NLRP12: variants seen among roughly 807,000 people sequenced by gnomAD.
NLRP12 encodes the protein NACHT, LRR and PYD domains-containing protein 12.
Under a neutral mutation model 91.2 loss-of-function variants are expected in NLRP12, and 108 were observed. That is an observed-to-expected ratio of 1.18 (90% CI 1.01 to 1.39). The LOEUF (loss-of-function observed/expected upper bound fraction) is 1.39. NLRP12 is among the 40% of genes most tolerant of loss of function. The probability of loss-of-function intolerance (pLI) is 0.00; values close to 1 mark genes in which losing one functional copy is unlikely to be tolerated. For synonymous variants in NLRP12, 613 were observed against 566.7 expected (o/e 1.08, Z -1.16); for missense variants, 1,530 against 1,352.7 (o/e 1.13, Z -2.06).
intron 7 of NLRP12, among the ~76,000 whole-genome samples, chr19:53,799,570 G>A (rs527686471): frequency 7.9e-4 from 120 of 151,470 alleles, no homozygotes; most frequent in African/African-American, 2.6e-3. Flanking sequence ...TGCAACCTCC[G>A]GCTCCCGGGT....
intron 4 of NLRP12, among the ~76,000 whole-genome samples, chr19:53,806,887 AAG>A (rs1449349760): frequency 6.6e-6 from 1 of 151,222 alleles, no homozygotes; most frequent in Non-Finnish European, 1.5e-5. Flanking sequence ...AAGTAAAAAA[AAG>A]AAAAAAATTT....
At chr19:53,804,391 GGGTTTTTTTGT>G (rs2091922708) in intron 5 of NLRP12, among the ~76,000 whole-genome samples, 1 of 123,482 alleles carries the variant, frequency 8.1e-6, no homozygotes, top group Admixed American at 9.7e-5. Context: ...TGTTTTTTTT[GGGTTTTTTTGT>G]TTTTTTTTTT....
Position 53,814,987 on chromosome 19 carries a change from A to G in NLRP12, c.291T>C (p.Asp97=), listed in dbSNP as rs201046901. The change falls in exon 2 of 10, where the codon GAT becomes GAC. Residue 97 remains aspartate (D), a splice_region_variant and synonymous_variant. Coordinates refer to ENST00000324134, the MANE Select transcript of NLRP12 (RefSeq NM_144687.4). Reference sequence around the variant, plus strand: ...GTGAGGACGGGCCACCAGGTGGGGTATCTGGAAGAGAAATTGTGGAAGATG... The same window carrying G: ...GTGAGGACGGGCCACCAGGTGGGGTGTCTGGAAGAGAAATTGTGGAAGATG... ...ERGQREDLVR[D]TPPGGPSSLG... 474 of 1,613,066 alleles carry G rather than the reference A, an allele frequency of 2.9e-4. No individual in the cohort carries two copies. The highest frequency in any genetic ancestry group is 3.7e-4 in the Non-Finnish European group (438 of 1,179,072).
At chr19:53,815,677 T>C (rs1471409523) in intron 1 of NLRP12, among the ~76,000 whole-genome samples, 1 of 151,848 alleles carries the variant, frequency 6.6e-6, no homozygotes, top group African/African-American at 2.4e-5. Context: ...GGCACAATCT[T>C]GGCTCACTGC....
chr19:53,808,021 A>G (rs570759259), intron 3 of NLRP12: 1 of 359,118 alleles, frequency 2.8e-6, no homozygotes, highest in East Asian at 7.3e-5. Context: ...AAGTGCTGGG[A>G]TTACAGGCGT....
chr19:53,811,404 C>T (rs1414202497), intron 2 of NLRP12, 116 bp from the exon 3 acceptor site: 1 of 1,196,216 alleles, frequency 8.4e-7, no homozygotes, highest in African/African-American at 1.5e-5. Context: ...GTTCCAGCTA[C>T]TCAGGAGGCT....
intron 8 of NLRP12, among the ~76,000 whole-genome samples, chr19:53,796,380 C>CAG (rs34235763): frequency 2.9e-5 from 2 of 68,092 alleles, no homozygotes; most frequent in African/African-American, 1.4e-4. Flanking sequence ...GCCTCCCCAG[C>CAG]AGCTGGGACT....
chr19:53,808,921 A>G (rs1434575716), intron 3 of NLRP12, among the ~76,000 whole-genome samples: 2 of 152,012 alleles, frequency 1.3e-5, no homozygotes, highest in African/African-American at 2.4e-5. Flanking sequence ...GTGTCTCCAA[A>G]CATCGCCAAA....
intron 8 of NLRP12, among the ~76,000 whole-genome samples, chr19:53,797,987 G>A (rs375083161): frequency 3.9e-5 from 6 of 152,014 alleles, no homozygotes; most frequent in Non-Finnish European, 5.9e-5. Context: ...CACCCACCTC[G>A]GCTTCCCAAA....
At chr19:53,822,104 G>A (rs142922110) in intron 1 of NLRP12, among the ~76,000 whole-genome samples, 3 of 152,168 alleles carry the variant, frequency 2.0e-5, no homozygotes, top group East Asian at 1.9e-4. Flanking sequence ...GACTCGTGGC[G>A]GGGAGAAATC....
At chr19:53,813,120 A>T (rs921000791) in intron 2 of NLRP12, among the ~76,000 whole-genome samples, 5 of 151,634 alleles carry the variant, frequency 3.3e-5, no homozygotes, top group Middle Eastern at 3.4e-3. Context: ...ACCTCAAGTG[A>T]TCTGCCCGCC....
At chr19:53,801,143 G>C in intron 7 of NLRP12, 84 bp downstream of exon 7, 1 of 1,233,964 alleles carries the variant, frequency 8.1e-7, no homozygotes, top group Middle Eastern at 2.3e-4. Flanking sequence ...TAGGAGCAGA[G>C]ACAACCTGGC....
intron 1 of NLRP12, among the ~76,000 whole-genome samples, chr19:53,820,146 G>A (rs961750439): frequency 1.5e-4 from 23 of 152,202 alleles, no homozygotes; most frequent in African/African-American, 5.1e-4. Context: ...CACTGGAATC[G>A]CAGAGAATCA....
chr19:53,812,636 C>G (rs746571884), intron 2 of NLRP12, among the ~76,000 whole-genome samples: 31 of 152,016 alleles, frequency 2.0e-4, no homozygotes, highest in Non-Finnish European at 3.7e-4. Flanking sequence ...GCCAACAGTG[C>G]CAATGTGGAG....
At chr19:53,798,536 A>G in intron 7 of NLRP12, 123 bp from the exon 8 acceptor site, 2 of 914,346 alleles carry the variant, frequency 2.2e-6, no homozygotes, top group Non-Finnish European at 1.7e-6. Flanking sequence ...TCTACCCTTG[A>G]GAGACAAAAA....
At chr19:53,800,824 TCCTCCCACCTCGG>T (rs1388315430) in intron 7 of NLRP12, among the ~76,000 whole-genome samples, 1 of 151,972 alleles carries the variant, frequency 6.6e-6, no homozygotes, top group Non-Finnish European at 1.5e-5. Flanking sequence ...CCTCAGGTGA[TCCTCCCACCTCGG>T]CCTCCCAAAA....
At chr19:53,798,495 G>T in intron 7 of NLRP12, 82 bp from the exon 8 acceptor site, 1 of 1,404,040 alleles carries the variant, frequency 7.1e-7, no homozygotes. Flanking sequence ...CAAGCCCTGT[G>T]CTGGTTGCAG....
chr19:53,811,394 G>T, intron 2 of NLRP12, 106 bp from the exon 3 acceptor site: 1 of 1,302,582 alleles, frequency 7.7e-7, no homozygotes, highest in Non-Finnish European at 1.1e-6. Flanking sequence ...TGTGCCTGTA[G>T]TTCCAGCTAC....
Position 53,824,167 on chromosome 19 carries a change from C to T in NLRP12, c.8G>A (p.Arg3Gln), listed in dbSNP as rs753733591. 26 of 1,613,796 alleles carry T rather than the reference C, an allele frequency of 1.6e-5. No individual in the cohort carries two copies. Among genetic ancestry groups the T allele is most frequent in the Admixed American group, 3.3e-5 (2 of 59,964 alleles). Residue 3 changes from arginine to glutamine, a missense_variant, in exon 1 of 10, where the codon CGA becomes CAA. Physicochemically the swap from Arg to Gln is conservative, Grantham distance 43. Coordinates refer to ENST00000324134, the MANE Select transcript of NLRP12 (RefSeq NM_144687.4). ML[R>Q]TAGRDGLCRL... ...ACAGAGGCCGTCCCTGCCTGCGGTT[C>T]GTAGCATGGGGGTGCCGTGAGCCCC...
Sources: allele counts gnomAD v4.1 joint callset (sites outside exome capture counted in the v4.1 genomes callset), GRCh38; gene constraint gnomAD v4.1.1; transcripts MANE v1.5; gene names NCBI Gene and HGNC (gene_info 2026-07-23, HGNC 2026-07-21).